The following TPSG1 variants were observed in gnomAD, a reference collection of about 807,000 sequenced individuals.
The protein encoded by TPSG1 is tryptase gamma.
A neutral mutation model predicts 23.8 loss-of-function variants in TPSG1; 43 were observed. That is an observed-to-expected ratio of 1.81 (90% CI 1.42 to 2.33). TPSG1 has a LOEUF of 2.33. TPSG1 is among the 30% of genes most tolerant of loss of function. The probability of loss-of-function intolerance (pLI) is 0.00; values close to 1 mark genes in which losing one functional copy is unlikely to be tolerated. For synonymous variants in TPSG1, 302 were observed against 201.3 expected (o/e 1.50, Z -4.23); for missense variants, 623 against 438.6 (o/e 1.42, Z -3.75).
rs1282093858 is a variant in TPSG1, at chr16:1,224,645, G to T, written c.47-17C>A. The T allele has an allele frequency of 6.2e-7, 1 of 1,613,644 alleles. No individual in the cohort carries two copies. The highest frequency in any genetic ancestry group is 1.3e-5 in the African/African-American group (1 of 74,928). On this transcript the variant is annotated splice_polypyrimidine_tract_variant and intron_variant, in intron 1 of 5. Transcript: ENST00000234798. ...GGGACACACCTGTGGGAAAGACGAA[G>T]GGCCCAGGATGGAGGGGGCTGCCAA...
At chr16:1,224,760 G>A (rs1331063750) in intron 1 of TPSG1, 132 bp from the exon 2 acceptor site, 2 of 1,086,128 alleles carry the variant, frequency 1.8e-6, no homozygotes, top group African/African-American at 1.6e-5. Flanking sequence ...GGCCCGGCCT[G>A]GTGAGGCTGG....
chr16:1,224,563 T>G (rs1428740038), intron 2 of TPSG1, 39 bp downstream of exon 2: 1 of 1,612,934 alleles, frequency 6.2e-7, no homozygotes, highest in Admixed American at 1.7e-5. Flanking sequence ...AGGCCTTGCC[T>G]GCACCCTCCC....
chr16:1,221,894 C>G lies in TPSG1; in HGVS notation c.860G>C (p.Gly287Ala), dbSNP rs772452733. The part of the protein sequence containing the change: ...SGYPRLPLLA[G>A]FFLPGLFLLL... ...AAGGAAGAGGCCGGGGAGGAAGAAG[C>G]CAGCCAGGAGGGGGAGCCTGGGGTA... The change falls in exon 6 of 6, where the codon GGC (glycine) becomes GCC (alanine). Residue 287 changes from glycine (G) to alanine (A), a missense_variant. By Grantham distance (60) the Gly-to-Ala change is moderately conservative (BLOSUM62 0). Coordinates refer to ENST00000234798, the MANE Select transcript of TPSG1 (RefSeq NM_012467.4). 25 of 1,611,162 alleles carry G rather than the reference C, an allele frequency of 1.6e-5. No homozygotes were observed. Among genetic ancestry groups the G allele is most frequent in the Non-Finnish European group, 2.0e-5 (23 of 1,179,172 alleles).
chr16:1,221,712 G>C lies in TPSG1; in HGVS notation c.*76C>G, dbSNP rs1970492041. On this transcript the variant is annotated 3_prime_UTR_variant, in exon 6 of 6. Transcript: ENST00000234798. ...GCAATAATCTGATGCAGAAGACTCAGCTTCTCAAGGGAGAGGGAGGGGGCG... is the reference window on the plus strand; with the variant it reads ...GCAATAATCTGATGCAGAAGACTCACCTTCTCAAGGGAGAGGGAGGGGGCG... The C allele has an allele frequency of 2.2e-6, 3 of 1,366,886 alleles. No homozygotes were observed. The highest frequency in any genetic ancestry group is 2.9e-5 in the South Asian group (2 of 68,192). The allele number at this position is 1,366,886 out of a possible 1,614,324, so 84.7% of individuals were successfully genotyped here.
rs544086662 is a variant in TPSG1 at position 1,225,068 on chromosome 16, C to T, written c.46+139G>A. 1.8e-5 allele frequency: 17 copies of T among 970,064 alleles called. No homozygotes were observed. The African/African-American group carries it at 2.2e-4, about 12-fold the overall frequency. The allele number at this position is 970,064 out of a possible 1,614,324, so 60.1% of individuals were successfully genotyped here. The stretch of plus-strand genomic sequence containing the variant: ...CCTCCAGCCAGGGGTGCAGTCTCTT[C>T]AGAGGAGACACGGGGCCCCACAGGG... On this transcript the variant is annotated intron_variant, in intron 1 of 5. Coordinates refer to ENST00000234798, the MANE Select transcript of TPSG1 (RefSeq NM_012467.4).
In TPSG1 at chr16:1,222,057, C is replaced by T. The variant is rs1449506321; in HGVS notation, c.697G>A (p.Ala233Thr). Residue 233 changes from alanine (A) to threonine (T), a missense_variant, in exon 6 of 6, where the codon GCC becomes ACC. Physicochemically the swap from Ala to Thr is moderately conservative, Grantham distance 58 (BLOSUM62 0). Coordinates refer to ENST00000234798, the MANE Select transcript of TPSG1 (RefSeq NM_012467.4). ...CTCACAGTGCCAGCCTGCACCCAGGCACCGTTCACCTGGCAGACCAGAGGC... is the reference window on the plus strand; with the variant it reads ...CTCACAGTGCCAGCCTGCACCCAGGTACCGTTCACCTGGCAGACCAGAGGC... ...GGPLVCQVNG[A>T]WVQAGTVSWG... The T allele has an allele frequency of 2.5e-6, 4 of 1,612,702 alleles. No homozygotes were observed. The highest frequency in any genetic ancestry group is 2.2e-5 in the South Asian group (2 of 91,090).
At position 1,222,191 on chromosome 16, in the gene TPSG1, C is replaced by T. The variant is rs750166270; in HGVS notation, c.657+5G>A. ...CCATCCTCTGTCACGGCCTGGCAGG[C>T]TCACCTGGCAGGCATCCCCGGGGCC... On this transcript the variant is annotated splice_donor_5th_base_variant and intron_variant, in intron 5 of 5. Transcript: ENST00000234798. 4.3e-6 allele frequency: 7 copies of T among 1,611,128 alleles called. No homozygotes were observed. In the African/African-American group the frequency reaches 8.0e-5, roughly 18 times the overall value.
rs772400077 is a variant in TPSG1, at chr16:1,222,050, A to C, written c.704T>G (p.Val235Gly). The change falls in exon 6 of 6, where the codon GTG becomes GGG. Residue 235 changes from valine (V) to glycine (G), a missense_variant. Coordinates refer to ENST00000234798, the MANE Select transcript of TPSG1 (RefSeq NM_012467.4). ...ACCCCAGCTCACAGTGCCAGCCTGC[A>C]CCCAGGCACCGTTCACCTGGCAGAC... is the stretch of plus-strand genomic sequence containing the variant. Reference protein sequence around the residue: ...PLVCQVNGAWVQAGTVSWGEG... With the variant: ...PLVCQVNGAWGQAGTVSWGEG... The C allele has an allele frequency of 7.9e-5, 127 of 1,612,582 alleles. No homozygotes were observed. The highest frequency in any genetic ancestry group is 1.0e-4 in the Non-Finnish European group (121 of 1,179,978).
Position 1,222,932 on chromosome 16 carries a change from G to A in TPSG1, c.246-15C>T, listed in dbSNP as rs1596486415. 1 of 1,585,026 alleles carries A rather than the reference G, an allele frequency of 6.3e-7. No individual in the cohort carries two copies. The highest frequency in any genetic ancestry group is 8.6e-7 in the Non-Finnish European group (1 of 1,161,752). ...AGTTCAGGGACCTGGGAGGGAAGGT[G>A]GCTGGGTGAGAGGGGCCAGCTGCGG... On this transcript the variant is annotated splice_polypyrimidine_tract_variant and intron_variant, in intron 3 of 5. Coordinates refer to ENST00000234798, the MANE Select transcript of TPSG1 (RefSeq NM_012467.4).
Position 1,223,558 on chromosome 16 carries a change from C to T in TPSG1, c.110G>A (p.Arg37Gln), listed in dbSNP as rs201153431. ...GRPQVSDAGGRIVGGHAAPAG... is the reference protein window; with the variant it reads ...GRPQVSDAGGQIVGGHAAPAG... ...CGGGGCAGCGTGACCCCCCACGATCCGGCCGCCTGCATCCGAAACCTGCGG... is the reference window on the plus strand; with the variant it reads ...CGGGGCAGCGTGACCCCCCACGATCTGGCCGCCTGCATCCGAAACCTGCGG... The change falls in exon 3 of 6, where the codon CGG becomes CAG. Residue 37 changes from arginine (R) to glutamine (Q), a missense_variant. Transcript: ENST00000234798. 1.6e-3 allele frequency: 2,473 copies of T among 1,545,118 alleles called. 8 individuals are homozygous for T. Among genetic ancestry groups the T allele is most frequent in the Non-Finnish European group, 1.9e-3 (2,134 of 1,147,530 alleles).
intron 1 of TPSG1, 128 bp downstream of exon 1, chr16:1,225,079 C>G (rs562504245): frequency 4.3e-6 from 5 of 1,175,362 alleles, no homozygotes; most frequent in Non-Finnish European, 6.0e-6. Context: ...AGAGGAGACA[C>G]GGGGCCCCAC....
intron 4 of TPSG1, 75 bp from the exon 5 acceptor site, chr16:1,222,416 A>C: frequency 7.3e-7 from 1 of 1,370,924 alleles, no homozygotes; most frequent in South Asian, 1.4e-5. Context: ...AGACCTTGCC[A>C]GACACAAGTC....
intron 2 of TPSG1, 190 bp from the exon 3 acceptor site, chr16:1,223,784 G>A (rs151037700): frequency 1.5e-4 from 94 of 643,310 alleles, no homozygotes; most frequent in African/African-American, 5.0e-4. Flanking sequence ...CAGTGAGCGC[G>A]CCTGGGGCTC....
rs781475432 is a variant in TPSG1, at chr16:1,222,212, G to T, written c.641C>A (p.Pro214His). Residue 214 changes from proline (P) to histidine (H), a missense_variant, in exon 5 of 6, where the codon CCC becomes CAC. By Grantham distance (77) the Pro-to-His change is moderately conservative. Coordinates refer to ENST00000234798, the MANE Select transcript of TPSG1 (RefSeq NM_012467.4). ...LQPDMLCARG[P>H]GDACQDDSGG... ...CAGGCTCACCTGGCAGGCATCCCCG[G>T]GGCCCCGGGCACACAGCATGTCGGG... is the stretch of plus-strand genomic sequence containing the variant. The T allele has an allele frequency of 5.0e-6, 8 of 1,611,590 alleles. No individual in the cohort carries two copies. In the East Asian group the frequency reaches 1.8e-4, roughly 36 times the overall value.
rs1970502281 is a variant in TPSG1 at position 1,221,831 on chromosome 16, A to T, written c.923T>A (p.Leu308Gln). The change falls in exon 6 of 6, where the codon CTG (leucine) becomes CAG (glutamine). Residue 308 changes from leucine (L) to glutamine (Q), a missense_variant. By Grantham distance (113) the Leu-to-Gln change is moderately radical. Transcript: ENST00000234798. The part of the protein sequence containing the change: ...VSCVLLAKCL[L>Q]HPSADGTPFP... Reference sequence around the variant, plus strand: ...GGGAGTACCATCCGCAGATGGGTGCAGCAGGCACTTGGCCAGCAGGACACA... The same window carrying T: ...GGGAGTACCATCCGCAGATGGGTGCTGCAGGCACTTGGCCAGCAGGACACA... 1 of 1,611,652 alleles carries T rather than the reference A, an allele frequency of 6.2e-7. No individual in the cohort carries two copies. Among genetic ancestry groups the T allele is most frequent in the African/African-American group, 1.3e-5 (1 of 74,926 alleles).
At chr16:1,222,144 C>T (rs755449907) in intron 5 of TPSG1, 48 bp from the exon 6 acceptor site, 3 of 1,611,792 alleles carry the variant, frequency 1.9e-6, no homozygotes, top group Non-Finnish European at 1.7e-6. Context: ...ATGGGGAGCC[C>T]CTCCCTGGGC....
intron 1 of TPSG1, 55 bp from the exon 2 acceptor site, chr16:1,224,683 G>A: frequency 6.2e-7 from 1 of 1,611,510 alleles, no homozygotes. Context: ...AGAGGGGTGT[G>A]CGGGCTCCAG....
chr16:1,225,256 G>A lies in TPSG1; in HGVS notation c.-4C>T. Reference sequence around the variant, plus strand: ...GGCCACAGGCCCCAAGGGCCATGGTGTCTGCCCACTGTAGGGAGAAGGAGG... The same window carrying A: ...GGCCACAGGCCCCAAGGGCCATGGTATCTGCCCACTGTAGGGAGAAGGAGG... On this transcript the variant is annotated 5_prime_UTR_variant, in exon 1 of 6. Coordinates refer to ENST00000234798, the MANE Select transcript of TPSG1 (RefSeq NM_012467.4). The A allele has an allele frequency of 1.3e-6, 2 of 1,568,870 alleles. No individual in the cohort carries two copies. Among genetic ancestry groups the A allele is most frequent in the Admixed American group, 1.9e-5 (1 of 53,212 alleles).
In TPSG1 at chr16:1,222,943, A is replaced by T. The variant is rs2029898357; in HGVS notation, c.246-26T>A. On this transcript the variant is annotated intron_variant, in intron 3 of 5. Transcript: ENST00000234798. Reference sequence around the variant, plus strand: ...CTGGGAGGGAAGGTGGCTGGGTGAGAGGGGCCAGCTGCGGAGGCTGGAGGT... The same window carrying T: ...CTGGGAGGGAAGGTGGCTGGGTGAGTGGGGCCAGCTGCGGAGGCTGGAGGT... The T allele has an allele frequency of 1.9e-6, 3 of 1,578,198 alleles. No individual in the cohort carries two copies. In the Admixed American group the frequency reaches 5.1e-5, roughly 27 times the overall value.
Sources: allele counts gnomAD v4.1 joint callset, GRCh38; gene constraint gnomAD v4.1.1; transcripts MANE v1.5; gene names NCBI Gene and HGNC (gene_info 2026-07-23, HGNC 2026-07-21).